The following MIA2 variants were observed in gnomAD, a reference collection of about 807,000 sequenced individuals.
MIA2 encodes the protein MIA SH3 domain ER export factor 2.
Under a neutral mutation model 167.8 loss-of-function variants are expected in MIA2, and 127 were observed. That is an observed-to-expected ratio of 0.76 (90% confidence interval 0.66 to 0.88). The LOEUF (loss-of-function observed/expected upper bound fraction) is 0.88. Among genes scored for constraint, MIA2 ranks in the 40% least tolerant of loss-of-function variants. The probability of loss-of-function intolerance (pLI) is 0.00; values close to 1 mark genes in which losing one functional copy is unlikely to be tolerated. For synonymous variants in MIA2, 552 were observed against 541.9 expected, an observed-to-expected ratio of 1.02 and a Z score of -0.26; for missense variants, 1,690 against 1,624.7, an observed-to-expected ratio of 1.04 and a Z score of -0.69.
chr14:39,263,807 A>AT (rs2055269718), intron 6 of MIA2, among the ~76,000 whole-genome samples: 1 of 151,128 alleles, frequency 6.6e-6, no homozygotes, highest in African/African-American at 2.4e-5. Flanking sequence ...AATTTTTTGT[A>AT]TTTTTTAGTA....
At chr14:39,240,142 G>A (rs761361735) in intron 2 of MIA2, among the ~76,000 whole-genome samples, 2 of 152,288 alleles carry the variant, frequency 1.3e-5, no homozygotes, top group South Asian at 4.1e-4. Context: ...TAAACCGCCT[G>A]TCTGATTTTA....
At chr14:39,251,879 T>A (rs571383708) in intron 4 of MIA2, among the ~76,000 whole-genome samples, 1 of 152,272 alleles carries the variant, frequency 6.6e-6, no homozygotes, top group African/African-American at 2.4e-5. Flanking sequence ...AGGACCACAC[T>A]GATACTTTTT....
chr14:39,250,563 G>A (rs2054517154), intron 4 of MIA2, among the ~76,000 whole-genome samples: 1 of 151,928 alleles, frequency 6.6e-6, no homozygotes, highest in African/African-American at 2.4e-5. Flanking sequence ...GGGCATGGTG[G>A]TGTGCCCCTG....
intron 23 of MIA2, among the ~76,000 whole-genome samples, chr14:39,366,122 C>T (rs747014662): frequency 4.6e-5 from 7 of 152,134 alleles, no homozygotes; most frequent in African/African-American, 7.2e-5. Flanking sequence ...TTTCATCAGT[C>T]GCTTAGGCTG....
At chr14:39,356,738 T>C (rs1454883966) in intron 23 of MIA2, among the ~76,000 whole-genome samples, 1 of 152,246 alleles carries the variant, frequency 6.6e-6, no homozygotes, top group Non-Finnish European at 1.5e-5. Context: ...TCCCAGAGAT[T>C]CTGGTATGTT....
At chr14:39,387,967 TAATAC>T (rs1430862350) in exon 24 of MIA2, 1 of 152,200 alleles carries the variant, frequency 6.6e-6, no homozygotes, top group African/African-American at 2.4e-5. Context: ...ATTGTACACC[TAATAC>T]ATTTCAGTAT....
intron 6 of MIA2, among the ~76,000 whole-genome samples, chr14:39,263,309 GGA>G (rs2055221164): frequency 6.6e-6 from 1 of 151,706 alleles, no homozygotes; most frequent in Non-Finnish European, 1.5e-5. Flanking sequence ...TTTATGTGAT[GGA>G]TTACATTTAT....
chr14:39,360,714 A>G (rs1331859841), intron 23 of MIA2, among the ~76,000 whole-genome samples: 1 of 152,158 alleles, frequency 6.6e-6, no homozygotes, highest in Non-Finnish European at 1.5e-5. Context: ...TTGAAGTCTT[A>G]ACCAGAAAAT....
chr14:39,264,616 A>C (rs761730945), intron 6 of MIA2, among the ~76,000 whole-genome samples: 1 of 152,208 alleles, frequency 6.6e-6, no homozygotes, highest in African/African-American at 2.4e-5. Flanking sequence ...TTATCCAGCT[A>C]TTGTTCAACA....
downstream of MIA2, among the ~76,000 whole-genome samples, chr14:39,352,190 T>G (rs1328617533): frequency 6.9e-6 from 1 of 145,864 alleles, no homozygotes; most frequent in Non-Finnish European, 1.5e-5. Flanking sequence ...TCTTCAATAT[T>G]GTTTTTGGCT....
intron 4 of MIA2, among the ~76,000 whole-genome samples, chr14:39,251,647 T>A (rs1464638820): frequency 6.6e-6 from 1 of 152,142 alleles, no homozygotes; most frequent in East Asian, 1.9e-4. Flanking sequence ...TGTACAATAA[T>A]CCCTTTGAAT....
intron 2 of MIA2, among the ~76,000 whole-genome samples, chr14:39,238,889 T>C (rs1296747120): frequency 2.0e-5 from 3 of 151,452 alleles, no homozygotes; most frequent in Non-Finnish European, 4.4e-5. Context: ...TCCTAGAAGG[T>C]TAAATCATCT....
intron 4 of MIA2, among the ~76,000 whole-genome samples, chr14:39,249,007 A>G (rs929620140): frequency 1.3e-5 from 2 of 152,170 alleles, no homozygotes; most frequent in African/African-American, 4.8e-5. Context: ...CCAAACTGCT[A>G]GGATTACAGG....
chr14:39,252,730 C>A lies in MIA2; in HGVS notation c.1568-18C>A. ...GCAAGTATTTTGGAAAAACACATTTCTTTTTATTTATTTGTAGATATGGTC... is the reference window on the plus strand; with the variant it reads ...GCAAGTATTTTGGAAAAACACATTTATTTTTATTTATTTGTAGATATGGTC... On this transcript the variant is annotated intron_variant, in intron 4 of 28. Coordinates refer to ENST00000640607, the MANE Select transcript of MIA2 (RefSeq NM_001329214.4). 1 of 1,573,230 alleles carries A rather than the reference C, an allele frequency of 6.4e-7. No homozygotes were observed. The highest frequency in any genetic ancestry group is 8.7e-7 in the Non-Finnish European group (1 of 1,154,142).
chr14:39,266,246 C>G, intron 6 of MIA2: 1 of 985,432 alleles, frequency 1.0e-6, no homozygotes, highest in Non-Finnish European at 1.2e-6. Flanking sequence ...AATGATCATG[C>G]TGGCAAGGAA....
At chr14:39,346,955 A>G (rs2153074430) in intron 26 of MIA2, 3 of 294,068 alleles carry the variant, frequency 1.0e-5, no homozygotes, top group South Asian at 3.2e-5. Context: ...TATTTTTGAG[A>G]CAGAGTCTCT....
At chr14:39,375,733 A>G (rs1217493507) in intron 23 of MIA2, among the ~76,000 whole-genome samples, 1 of 152,116 alleles carries the variant, frequency 6.6e-6, no homozygotes, top group Non-Finnish European at 1.5e-5. Context: ...GATCCAGTTG[A>G]GGGATGAGAA....
At chr14:39,309,211 C>T (rs1395156311) in intron 18 of MIA2, among the ~76,000 whole-genome samples, 1 of 152,118 alleles carries the variant, frequency 6.6e-6, no homozygotes, top group Non-Finnish European at 1.5e-5. Flanking sequence ...TTCTTTCCGC[C>T]CTTTCTCCTG....
At chr14:39,300,592 T>C (rs980109700) in intron 14 of MIA2, among the ~76,000 whole-genome samples, 1 of 144,884 alleles carries the variant, frequency 6.9e-6, no homozygotes, top group African/African-American at 2.6e-5. Flanking sequence ...AGTGATGCTC[T>C]CACTCATAGG....
Sources: allele counts gnomAD v4.1 joint callset (sites outside exome capture counted in the v4.1 genomes callset), GRCh38; gene constraint gnomAD v4.1.1; transcripts MANE v1.5; gene names NCBI Gene and HGNC (gene_info 2026-07-23, HGNC 2026-07-21).